NCEH1: variants seen among roughly 807,000 people sequenced by gnomAD.
The protein encoded by NCEH1 is 2-acetyl MAGE hydrolase.
A neutral mutation model predicts 25.4 loss-of-function variants in NCEH1; 9 were observed. The observed-to-expected ratio is 0.35, with a 90% CI of 0.21 to 0.62. The LOEUF (loss-of-function observed/expected upper bound fraction) is 0.62. Ranked by LOEUF, NCEH1 falls within the 20% of genes least tolerant of loss-of-function variation. The pLI, the probability that NCEH1 is intolerant of heterozygous loss-of-function variation, is 0.72. For synonymous variants in NCEH1, 200 were observed against 199.8 expected (o/e 1.00, Z -0.01); for missense variants, 412 against 501.1 (o/e 0.82, Z 1.70).
Position 172,636,127 on chromosome 3 carries a change from AATTTTGGGGG to A in NCEH1, c.438-50_438-41del, listed in dbSNP as rs1716589041. The A allele has an allele frequency of 3.4e-6, 5 of 1,452,110 alleles. No individual in the cohort carries two copies. In the East Asian group the frequency reaches 1.1e-4, roughly 33 times the overall value. 90.0% of individuals were successfully genotyped at this position (1,452,110 alleles called of 1,614,324 possible). A position where few individuals can be genotyped will look rare whatever the true frequency, so the allele number is the denominator to read the frequency against. The stretch of plus-strand genomic sequence containing the variant: ...GTTGTATTCATTTAAGGCCTTCTCC[AATTTTGGGGG>A]ACATTTAAAGTTTAGATGGAAACTG... On this transcript the variant is annotated intron_variant, in intron 3 of 4. Coordinates refer to ENST00000475381, the MANE Select transcript of NCEH1 (RefSeq NM_020792.6).
At chr3:172,692,389 C>G (rs1439490870) in intron 1 of NCEH1, among the ~76,000 whole-genome samples, 1 of 152,148 alleles carries the variant, frequency 6.6e-6, no homozygotes, top group Non-Finnish European at 1.5e-5. Flanking sequence ...CAGGGTCTGG[C>G]TCTGTTGCCC....
At chr3:172,638,275 CCAAAAAAAAAAAAAAAAA>C (rs1436360959) in intron 3 of NCEH1, among the ~76,000 whole-genome samples, 7 of 81,900 alleles carry the variant, frequency 8.5e-5, no homozygotes, top group Non-Finnish European at 9.5e-5. Flanking sequence ...GAGACTCTGT[CCAAAAAAAAAAAAAAAAA>C]AAAAAAAAAA....
chr3:172,674,608 A>G (rs1711848445), intron 1 of NCEH1, among the ~76,000 whole-genome samples: 2 of 152,138 alleles, frequency 1.3e-5, no homozygotes, highest in South Asian at 2.1e-4. Flanking sequence ...TTAATTATAC[A>G]TGGGATTGCA....
intron 1 of NCEH1, among the ~76,000 whole-genome samples, chr3:172,696,357 G>A (rs563010712): frequency 6.6e-6 from 1 of 152,214 alleles, no homozygotes; most frequent in East Asian, 1.9e-4. Context: ...AAGAATAATG[G>A]TGACGATAAA....
chr3:172,685,268 C>A (rs1335266506), intron 1 of NCEH1, among the ~76,000 whole-genome samples: 2 of 152,196 alleles, frequency 1.3e-5, no homozygotes, highest in African/African-American at 4.8e-5. Context: ...GCCTGGGCAA[C>A]AGAGTGAGAC....
At chr3:172,704,751 TC>T (rs1271402330) in intron 1 of NCEH1, among the ~76,000 whole-genome samples, 1 of 152,270 alleles carries the variant, frequency 6.6e-6, no homozygotes, top group Non-Finnish European at 1.5e-5. Flanking sequence ...ATGCCTGTGA[TC>T]CCAGCACTTT....
intron 1 of NCEH1, among the ~76,000 whole-genome samples, chr3:172,694,491 TA>T (rs1349335931): frequency 6.6e-6 from 1 of 152,210 alleles, no homozygotes; most frequent in Non-Finnish European, 1.5e-5. Context: ...TCACAACCTA[TA>T]AACTATATTT....
Position 172,633,770 on chromosome 3 carries a change from C to T in NCEH1, c.932G>A (p.Arg311Lys), listed in dbSNP as rs756722627. 6.2e-7 allele frequency: 1 copy of T among 1,614,214 alleles called. No individual in the cohort carries two copies. Among genetic ancestry groups the T allele is most frequent in the Admixed American group, 1.7e-5 (1 of 60,018 alleles). Residue 311 changes from arginine to lysine, a missense_variant, in exon 5 of 5, where the codon AGG becomes AAG. Around this residue, in one of 3 missense-constraint regions of NCEH1, gnomAD observed 210 missense variants for 258.2 expected, o/e 0.81. Transcript: ENST00000475381. Reference sequence around the variant, plus strand: ...CAACTGAGGAAGCTCCTGGACAATCCTGGCATTGCCTGTGGTCTGTACAAC... The same window carrying T: ...CAACTGAGGAAGCTCCTGGACAATCTTGGCATTGCCTGTGGTCTGTACAAC... ...KPVVQTTGNA[R>K]IVQELPQLLD...
chr3:172,668,652 G>C (rs1718344197), intron 1 of NCEH1, among the ~76,000 whole-genome samples: 1 of 151,972 alleles, frequency 6.6e-6, no homozygotes, highest in Admixed American at 6.6e-5. Context: ...TAATATCTTT[G>C]AGACACTGAA....
chr3:172,689,275 T>G (rs941018645), intron 1 of NCEH1, among the ~76,000 whole-genome samples: 19 of 147,700 alleles, frequency 1.3e-4, no homozygotes, highest in Admixed American at 4.7e-4. Context: ...TTTTTTTTTT[T>G]GGGATGGAGC....
At chr3:172,634,182 T>G (rs1716503915) in intron 4 of NCEH1, 90 bp from the exon 5 acceptor site, 13 of 1,234,258 alleles carry the variant, frequency 1.1e-5, no homozygotes, top group Middle Eastern at 2.8e-4. Flanking sequence ...TGTGTTACTC[T>G]GAATCTGTCA....
chr3:172,686,601 A>G (rs1438591193), intron 1 of NCEH1, among the ~76,000 whole-genome samples: 2 of 152,220 alleles, frequency 1.3e-5, no homozygotes, highest in Non-Finnish European at 2.9e-5. Context: ...CAATGATCTA[A>G]GAGGTTCCAA....
chr3:172,662,803 G>A (rs6801960), intron 1 of NCEH1, among the ~76,000 whole-genome samples: 51,159 of 151,830 alleles, frequency 0.34, 8,796 homozygotes, highest in South Asian at 0.38. Context: ...TGTGGGATCG[G>A]TGGTGATATA....
chr3:172,676,339 C>A (rs182896553), intron 1 of NCEH1, among the ~76,000 whole-genome samples: 1 of 152,222 alleles, frequency 6.6e-6, no homozygotes, highest in East Asian at 1.9e-4. Flanking sequence ...CCCAATATGG[C>A]GACTCCTGCC....
intron 1 of NCEH1, among the ~76,000 whole-genome samples, chr3:172,688,590 T>G (rs1328484369): frequency 1.3e-5 from 2 of 152,094 alleles, no homozygotes; most frequent in African/African-American, 4.8e-5. Flanking sequence ...TAAAGGAAAA[T>G]AGATGAGATG....
At chr3:172,656,515 C>T (rs554861680) in intron 1 of NCEH1, among the ~76,000 whole-genome samples, 1 of 152,236 alleles carries the variant, frequency 6.6e-6, no homozygotes, top group South Asian at 2.1e-4. Context: ...GCCTGTAATC[C>T]CAGCACTTTG....
Position 172,711,027 on chromosome 3 carries a change from G to C in NCEH1, c.-43C>G. 2 of 1,613,360 alleles carry C rather than the reference G, an allele frequency of 1.2e-6. No individual in the cohort carries two copies. Among genetic ancestry groups the C allele is most frequent in the Non-Finnish European group, 8.5e-7 (1 of 1,179,650 alleles). On this transcript the variant is annotated 5_prime_UTR_variant, in exon 1 of 5. Coordinates refer to ENST00000475381, the MANE Select transcript of NCEH1 (RefSeq NM_020792.6). ...CGCCAGCGGGCTGGCAAAGAGGAAA[G>C]GGCGATACCACCCGGAGACCTCCGG...
intron 3 of NCEH1, among the ~76,000 whole-genome samples, chr3:172,640,507 T>G: frequency 6.6e-6 from 1 of 152,024 alleles, no homozygotes; most frequent in Admixed American, 6.6e-5. Context: ...TTTATTTATT[T>G]TATTTATTTA....
chr3:172,682,902 A>C (rs1324995945), intron 1 of NCEH1, among the ~76,000 whole-genome samples: 1 of 152,234 alleles, frequency 6.6e-6, no homozygotes, highest in Non-Finnish European at 1.5e-5. Flanking sequence ...TGCTGTGAAA[A>C]TTATCAGAAC....
Sources: gnomAD v4.1 joint callset for allele counts (sites outside exome capture counted in the v4.1 genomes callset) on GRCh38, gnomAD v4.1.1 for gene constraint, gnomAD v4.1.1 regional missense constraint, MANE v1.5 for transcripts, NCBI Gene and HGNC (gene_info 2026-07-23, HGNC 2026-07-21) for gene names.